DHRS4L2: variants seen among roughly 807,000 people sequenced by gnomAD.
The protein encoded by DHRS4L2 is dehydrogenase/reductase 4 like 2.
A neutral mutation model predicts 23.9 loss-of-function variants in DHRS4L2; 22 were observed. The observed-to-expected ratio is 0.92, with a 90% CI of 0.66 to 1.31. The LOEUF (loss-of-function observed/expected upper bound fraction) is 1.31, where lower values mean the gene tolerates loss of function less well. Among genes scored for constraint, DHRS4L2 ranks in the 40% most tolerant of loss-of-function variants. The pLI is 0.00. For missense variants in DHRS4L2, 385 were observed against 303.3 expected (o/e 1.27, Z -2.00); for synonymous variants, 141 against 123.7 (o/e 1.14, Z -0.93).
chr14:23,999,384 CA>C (rs1282015443), intron 3 of DHRS4L2, among the ~76,000 whole-genome samples: 1 of 135,028 alleles, frequency 7.4e-6, no homozygotes, highest in Non-Finnish European at 1.6e-5. Flanking sequence ...ACAATATCTG[CA>C]AAGCATAAGA....
rs144319302 is a variant in DHRS4L2, at chr14:23,974,986, A to G, written c.-176+4654A>G. ...AGGCCAGTATCCCTGATGAACATCA[A>G]TGCAAAAATCCTCAATAAAATACTG... On this transcript the variant is annotated intron_variant, in intron 1 of 5. Transcript: ENST00000534993. 2.6e-4 allele frequency among the ~76,000 whole-genome samples: 39 copies of G among 151,978 alleles called. 1 individual carries two copies. The highest frequency in any genetic ancestry group is 8.9e-4 in the African/African-American group (37 of 41,450).
At chr14:23,986,457 T>C (rs1210114452), upstream of DHRS4L2, among the ~76,000 whole-genome samples, 1 of 149,134 alleles carries the variant, frequency 6.7e-6, no homozygotes, top group Non-Finnish European at 1.5e-5. Context: ...TGTGTACATA[T>C]GTAAAAAACC....
At chr14:23,986,340 A>C (rs1267687716), upstream of DHRS4L2, among the ~76,000 whole-genome samples, 1 of 151,304 alleles carries the variant, frequency 6.6e-6, no homozygotes, top group African/African-American at 2.4e-5. Flanking sequence ...GGGGAACATC[A>C]CACACTGGGG....
rs45579231 is a variant in DHRS4L2, at chr14:23,990,234, G to T, written c.181G>T (p.Val61Phe). The change falls in exon 2 of 8, where the codon GTC becomes TTC. Residue 61 changes from valine to phenylalanine, a missense_variant. Coordinates refer to ENST00000335125, the MANE Select transcript of DHRS4L2 (RefSeq NM_198083.4). ...RLAQDRAHVV[V>F]SSRKQQNVDQ... ...GGCCCAGGACAGGGCCCACGTGGTC[G>T]TCAGCAGCCGGAAGCAGCAGAATGT... 3 of 1,612,856 alleles carry T rather than the reference G, an allele frequency of 1.9e-6. No individual in the cohort carries two copies. Among genetic ancestry groups the T allele is most frequent in the African/African-American group, 1.3e-5 (1 of 74,970 alleles).
chr14:23,995,631 T>C (rs925325207), intron 3 of DHRS4L2, among the ~76,000 whole-genome samples: 3 of 151,832 alleles, frequency 2.0e-5, no homozygotes, highest in Non-Finnish European at 4.4e-5. Flanking sequence ...TAAAAACCTA[T>C]GTTATTTTCT....
chr14:23,995,167 C>G, intron 3 of DHRS4L2, 34 bp downstream of exon 3: 1 of 1,605,086 alleles, frequency 6.2e-7, no homozygotes, highest in Non-Finnish European at 8.5e-7. Flanking sequence ...GGAAGGGGGC[C>G]TCGGGACACA....
intron 3 of DHRS4L2, among the ~76,000 whole-genome samples, chr14:23,998,342 C>A (rs1170934107): frequency 2.0e-5 from 3 of 151,572 alleles, no homozygotes; most frequent in Non-Finnish European, 4.4e-5. Flanking sequence ...GCTGCATTAG[C>A]CCCTAACAAG....
chr14:23,994,203 T>A (rs970075338), intron 2 of DHRS4L2, among the ~76,000 whole-genome samples: 1 of 151,722 alleles, frequency 6.6e-6, no homozygotes, highest in Non-Finnish European at 1.5e-5. Context: ...GGTAACTTAT[T>A]CAGGGAGAAC....
chr14:23,975,656 C>G (rs572692161), intron 1 of DHRS4L2, among the ~76,000 whole-genome samples: 94 of 151,850 alleles, frequency 6.2e-4, no homozygotes, highest in African/African-American at 2.2e-3. Flanking sequence ...AAGCTGGAGG[C>G]GTCACACTAC....
At chr14:23,988,545 CT>C (rs1417932565), upstream of DHRS4L2, among the ~76,000 whole-genome samples, 1 of 151,186 alleles carries the variant, frequency 6.6e-6, no homozygotes, top group Non-Finnish European at 1.5e-5. Context: ...TAGACCCAGA[CT>C]TTCTTGGAGA....
At chr14:23,978,088 A>G (rs560773397) in intron 1 of DHRS4L2, among the ~76,000 whole-genome samples, 7 of 151,608 alleles carry the variant, frequency 4.6e-5, no homozygotes, top group South Asian at 4.2e-4. Context: ...CTTAAATTCA[A>G]TTCTCACCCT....
chr14:23,989,275 G>A (rs2034216434), intron 1 of DHRS4L2, among the ~76,000 whole-genome samples, 200 bp downstream of exon 1: 1 of 151,634 alleles, frequency 6.6e-6, no homozygotes, highest in African/African-American at 2.4e-5. Flanking sequence ...TGTCCCTGCT[G>A]CCTCTGGCAC....
intron 1 of DHRS4L2, among the ~76,000 whole-genome samples, chr14:23,973,170 C>A (rs1393146592): frequency 6.6e-6 from 1 of 152,012 alleles, no homozygotes; most frequent in African/African-American, 2.4e-5. Flanking sequence ...GGCTGGGGGA[C>A]AGTCAGGTCT....
chr14:23,990,970 C>G, intron 2 of DHRS4L2: 1 of 805,288 alleles, frequency 1.2e-6, no homozygotes, highest in Non-Finnish European at 1.5e-6. Flanking sequence ...ACTTCAGTCT[C>G]AAAGAAAGTA....
chr14:23,972,881 T>A (rs2033889919), intron 1 of DHRS4L2, among the ~76,000 whole-genome samples: 1 of 151,990 alleles, frequency 6.6e-6, no homozygotes, highest in South Asian at 2.1e-4. Context: ...GAAGGTACTA[T>A]GACTGGACGT....
chr14:23,994,562 C>T (rs1281283192), intron 2 of DHRS4L2, among the ~76,000 whole-genome samples: 2 of 151,424 alleles, frequency 1.3e-5, no homozygotes, highest in Non-Finnish European at 2.9e-5. Flanking sequence ...GTGGCACGCA[C>T]TTCTACTCTC....
chr14:23,988,883 G>A, upstream of DHRS4L2: 2 of 1,583,250 alleles, frequency 1.3e-6, no homozygotes, highest in Admixed American at 1.7e-5. Context: ...CCTTCGTCCT[G>A]CCCCTTCGCC....
At chr14:23,974,380 A>G (rs1225202358) in intron 1 of DHRS4L2, among the ~76,000 whole-genome samples, 1 of 151,670 alleles carries the variant, frequency 6.6e-6, no homozygotes. Flanking sequence ...CTAGCAGAAG[A>G]CAACAAATAA....
Position 24,004,378 on chromosome 14 carries a change from C to A in DHRS4L2, c.*8C>A, listed in dbSNP as rs756189552. On this transcript the variant is annotated 3_prime_UTR_variant, in exon 7 of 8. Transcript: ENST00000335125. ...AAAAAGAGGAAAGCATGAAAGAAAC[C>A]CTGCGGATAAGAAGGTAAACTGTCA... The A allele has an allele frequency of 1.2e-6, 2 of 1,603,650 alleles. No individual in the cohort carries two copies. The highest frequency in any genetic ancestry group is 2.3e-5 in the East Asian group (1 of 44,248).
Sources: allele counts gnomAD v4.1 joint callset (sites outside exome capture counted in the v4.1 genomes callset), GRCh38; gene constraint gnomAD v4.1.1; transcripts MANE v1.5; gene names NCBI Gene and HGNC (gene_info 2026-07-23, HGNC 2026-07-21).